ERCC5: variants seen among roughly 807,000 people sequenced by gnomAD.
ERCC5 encodes DNA excision repair protein ERCC-5.
Under a neutral mutation model 105.6 loss-of-function variants are expected in ERCC5, and 68 were observed. The ratio of observed to expected loss-of-function variants is 0.64; its 90% confidence interval spans 0.53 to 0.79. The LOEUF is 0.79. Ranked by LOEUF, ERCC5 falls within the 30% of genes least tolerant of loss-of-function variation. The pLI is 0.00. For missense variants in ERCC5, 1,373 were observed against 1,426.7 expected (o/e 0.96, Z 0.61); for synonymous variants, 546 against 526.2 (o/e 1.04, Z -0.51).
At chr13:102,873,164 C>A (rs1445805814) in intron 13 of ERCC5, 95 bp from the exon 14 acceptor site, 2 of 1,451,488 alleles carry the variant, frequency 1.4e-6, no homozygotes, top group African/African-American at 1.4e-5. Context: ...TTAGGAGATA[C>A]AGGGAATGGA....
At chr13:102,854,849 C>T (rs546728947) in intron 4 of ERCC5, among the ~76,000 whole-genome samples, 6 of 152,312 alleles carry the variant, frequency 3.9e-5, no homozygotes, top group African/African-American at 7.2e-5. Flanking sequence ...ATCTCTCTGG[C>T]GCTTTCTGCT....
intron 14 of ERCC5, 27 bp from the exon 15 acceptor site, chr13:102,875,280 A>G (rs758702163): frequency 1.0e-5 from 16 of 1,603,514 alleles, no homozygotes; most frequent in Non-Finnish European, 1.4e-5. Flanking sequence ...CTGATTTATT[A>G]TTATTATTCT....
Position 102,866,730 on chromosome 13 carries a change from C to T in ERCC5, c.2418C>T (p.Thr806=). 1.2e-6 allele frequency: 2 copies of T among 1,614,254 alleles called. No individual in the cohort carries two copies. Among genetic ancestry groups the T allele is most frequent in the Non-Finnish European group, 1.7e-6 (2 of 1,180,042 alleles). ...ILDLTDQTSG[T]ITDDSDIWLF... ...ACCTGACTGATCAGACTTCCGGAAC[C>T]ATCACTGATGACAGTGATATCTGGC... Residue 806 remains threonine (T), a synonymous_variant, in exon 11 of 15, where the codon ACC becomes ACT. Transcript: ENST00000652225.
chr13:102,850,145 C>T (rs928283499), intron 1 of ERCC5, among the ~76,000 whole-genome samples: 3 of 152,106 alleles, frequency 2.0e-5, no homozygotes, highest in Non-Finnish European at 2.9e-5. Flanking sequence ...AGGATGGTCT[C>T]GATCTCCTGA....
Position 102,862,818 on chromosome 13 carries a change from G to A in ERCC5, c.1669G>A (p.Asp557Asn), listed in dbSNP as rs144645075. 1.6e-5 allele frequency: 26 copies of A among 1,614,198 alleles called. No homozygotes were observed. The East Asian group carries it at 2.7e-4, about 17-fold the overall frequency. ...NELCPYESKF[D>N]SSLLSSDDET... Reference sequence around the variant, plus strand: ...ACTTTGCCCATATGAGAGTAAATTCGATTCTTCTCTTCTTTCAAGTGATGA... The same window carrying A: ...ACTTTGCCCATATGAGAGTAAATTCAATTCTTCTCTTCTTTCAAGTGATGA... The change falls in exon 8 of 15, where the codon GAT (aspartate) becomes AAT (asparagine). Residue 557 changes from aspartate (D) to asparagine (N), a missense_variant. Asp to Asn is a conservative substitution (Grantham distance 23). Coordinates refer to ENST00000652225, the MANE Select transcript of ERCC5 (RefSeq NM_000123.4).
intron 12 of ERCC5, 42 bp downstream of exon 12, chr13:102,868,299 A>T: frequency 6.2e-7 from 1 of 1,612,676 alleles, no homozygotes; most frequent in South Asian, 1.1e-5. Flanking sequence ...TTGTGTAAAT[A>T]CCCAAATAAG....
chr13:102,869,501 AGTGT>A (rs1349623376), intron 12 of ERCC5, among the ~76,000 whole-genome samples: 1 of 151,966 alleles, frequency 6.6e-6, no homozygotes, highest in African/African-American at 2.4e-5. Context: ...TACTCATTTG[AGTGT>A]GTGTATGATT....
At chr13:102,855,352 C>T (rs1317203979) in intron 4 of ERCC5, among the ~76,000 whole-genome samples, 1 of 151,988 alleles carries the variant, frequency 6.6e-6, no homozygotes, top group African/African-American at 2.4e-5. Flanking sequence ...TGGGTTTAAG[C>T]GATTCTCCTG....
intron 1 of ERCC5, 129 bp from the exon 2 acceptor site, chr13:102,851,989 T>G: frequency 8.8e-7 from 1 of 1,132,892 alleles, no homozygotes; most frequent in Admixed American, 2.1e-5. Context: ...GCTAAATGTT[T>G]TTCAATTTTA....
Position 102,858,379 on chromosome 13 carries a change from C to T in ERCC5, c.633C>T (p.Phe211=). ...KHEILTDMKE[F]TKRRRTLFEA... is the part of the protein sequence containing the mutation. Reference sequence around the variant, plus strand: ...AAATCTTGACTGATATGAAAGAGTTCACCAAGCGCAGAAGAACATTATTTG... The same window carrying T: ...AAATCTTGACTGATATGAAAGAGTTTACCAAGCGCAGAAGAACATTATTTG... Residue 211 remains phenylalanine, a synonymous_variant, in exon 6 of 15, where the codon TTC becomes TTT. Coordinates refer to ENST00000652225, the MANE Select transcript of ERCC5 (RefSeq NM_000123.4). The T allele has an allele frequency of 6.2e-7, 1 of 1,614,094 alleles. No homozygotes were observed. The highest frequency in any genetic ancestry group is 8.5e-7 in the Non-Finnish European group (1 of 1,179,996).
chr13:102,862,114 A>G lies in ERCC5; in HGVS notation c.965A>G (p.Lys322Arg), dbSNP rs1882643578. The G allele has an allele frequency of 1.2e-6, 2 of 1,614,110 alleles. No homozygotes were observed. The highest frequency in any genetic ancestry group is 2.2e-5 in the South Asian group (2 of 91,090). Reference sequence around the variant, plus strand: ...ATGCACGGCATGTCTTTTGACGTGAAGTCATCTCCATGTGAAAAACTGAAG... The same window carrying G: ...ATGCACGGCATGTCTTTTGACGTGAGGTCATCTCCATGTGAAAAACTGAAG... ...SKMHGMSFDV[K>R]SSPCEKLKTE... The change falls in exon 8 of 15, where the codon AAG becomes AGG. Residue 322 changes from lysine to arginine, a missense_variant. By Grantham distance (26) the Lys-to-Arg change is conservative. Transcript: ENST00000652225.
At chr13:102,866,581 G>T in intron 10 of ERCC5, 51 bp from the exon 11 acceptor site, 2 of 1,609,194 alleles carry the variant, frequency 1.2e-6, no homozygotes. Flanking sequence ...CTGTGCTCAG[G>T]GCCTGGCGGT....
rs1444733032 is a variant in ERCC5, at chr13:102,846,337, G to A, written c.71G>A (p.Gly24Glu). ...CAGGTCAGCCCCGAAGCGCTGGAAGGGAAGATCCTGGCTGTTGGTATCCTT... is the reference window on the plus strand; with the variant it reads ...CAGGTCAGCCCCGAAGCGCTGGAAGAGAAGATCCTGGCTGTTGGTATCCTT... Reference protein sequence around the residue: ...GRQVSPEALEGKILAVDISIW... With the variant: ...GRQVSPEALEEKILAVDISIW... Residue 24 changes from glycine to glutamate, a missense_variant, in exon 1 of 15, where the codon GGG becomes GAG. Physicochemically the swap from Gly to Glu is moderately conservative, Grantham distance 98. Around this residue, in one of 3 missense-constraint regions of ERCC5, gnomAD observed 1,004 missense variants for 1,059.7 expected, o/e 0.95. Transcript: ENST00000652225. 1 of 1,614,064 alleles carries A rather than the reference G, an allele frequency of 6.2e-7. No individual in the cohort carries two copies. Among genetic ancestry groups the A allele is most frequent in the Non-Finnish European group, 8.5e-7 (1 of 1,179,970 alleles).
rs1883128187 is a variant in ERCC5 at position 102,874,393 on chromosome 13, C to T, written c.2965-914C>T. 2.6e-5 allele frequency among the ~76,000 whole-genome samples: 4 copies of T among 152,266 alleles called. No individual in the cohort carries two copies. The South Asian group carries it at 8.3e-4, about 32-fold the overall frequency. On this transcript the variant is annotated intron_variant, in intron 14 of 14. Transcript: ENST00000652225. Reference sequence around the variant, plus strand: ...TTTCTTCTATGTATTGTGTGGTTTTCTTAATTCCAGATGACTAGATTATAT... The same window carrying T: ...TTTCTTCTATGTATTGTGTGGTTTTTTTAATTCCAGATGACTAGATTATAT...
rs1256618339 is a variant in ERCC5, at chr13:102,861,506, G to A, written c.673-1G>A. The A allele has an allele frequency of 6.2e-7, 1 of 1,613,954 alleles. No homozygotes were observed. The highest frequency in any genetic ancestry group is 1.7e-5 in the Admixed American group (1 of 60,022). On this transcript the variant is annotated splice_acceptor_variant, in intron 6 of 14. Coordinates refer to ENST00000652225, the MANE Select transcript of ERCC5 (RefSeq NM_000123.4). LOFTEE classifies it high-confidence loss of function. ...ATTTTGTTTGTTTATTTTGCCTTTA[G>A]GAGTCTGATGACTTTTCACAGTACC...
chr13:102,858,004 C>T (rs532590432), intron 5 of ERCC5, among the ~76,000 whole-genome samples: 1 of 152,314 alleles, frequency 6.6e-6, no homozygotes, highest in East Asian at 1.9e-4. Context: ...TCCGATCTCA[C>T]AGTACCTTAG....
At chr13:102,864,126 C>CCACACACACACA (rs10647676) in intron 8 of ERCC5, among the ~76,000 whole-genome samples, 9,914 of 140,806 alleles carry the variant, frequency 0.07, 511 homozygotes, top group African/African-American at 0.11. Flanking sequence ...AGAGAATCAA[C>CCACACACACACA]CACACACACA....
intron 1 of ERCC5, among the ~76,000 whole-genome samples, chr13:102,850,249 T>C (rs1882155946): frequency 6.6e-6 from 1 of 152,080 alleles, no homozygotes; most frequent in African/African-American, 2.4e-5. Flanking sequence ...TAAATAGGAA[T>C]GTATACAAGG....
chr13:102,866,706 C>G lies in ERCC5; in HGVS notation c.2394C>G (p.Asp798Glu), dbSNP rs767918412. 3.1e-6 allele frequency: 5 copies of G among 1,614,258 alleles called. No individual in the cohort carries two copies. The highest frequency in any genetic ancestry group is 1.7e-4 in the Middle Eastern group (1 of 6,054). ...MEAEAQCAIL[D>E]LTDQTSGTIT... is the part of the protein sequence containing the mutation. Reference sequence around the variant, plus strand: ...CAGAGGCGCAGTGCGCCATCCTGGACCTGACTGATCAGACTTCCGGAACCA... The same window carrying G: ...CAGAGGCGCAGTGCGCCATCCTGGAGCTGACTGATCAGACTTCCGGAACCA... Residue 798 changes from aspartate to glutamate, a missense_variant, in exon 11 of 15, where the codon GAC (aspartate) becomes GAG (glutamate). Asp to Glu is a conservative substitution (Grantham distance 45). Around this residue, in one of 3 missense-constraint regions of ERCC5, gnomAD observed 1,004 missense variants for 1,059.7 expected, o/e 0.95. Coordinates refer to ENST00000652225, the MANE Select transcript of ERCC5 (RefSeq NM_000123.4).
Sources: allele counts gnomAD v4.1 joint callset (sites outside exome capture counted in the v4.1 genomes callset), GRCh38; gene constraint gnomAD v4.1.1; regional missense constraint gnomAD v4.1.1; transcripts MANE v1.5; gene names NCBI Gene and HGNC (gene_info 2026-07-23, HGNC 2026-07-21).